Variants in IGF2BP2 observed in about 807,000 individuals in gnomAD.
IGF2BP2 encodes the protein insulin like growth factor 2 mRNA binding protein 2.
Under a neutral mutation model 75.8 loss-of-function variants are expected in IGF2BP2, and 17 were observed. The observed-to-expected ratio is 0.22, with a 90% CI of 0.15 to 0.34. The LOEUF (loss-of-function observed/expected upper bound fraction) is 0.34. Among genes scored for constraint, IGF2BP2 ranks in the 10% least tolerant of loss-of-function variants. IGF2BP2 has a pLI of 1.00. For synonymous variants in IGF2BP2, 288 were observed against 295.6 expected, an observed-to-expected ratio of 0.97 and a Z score of 0.26; for missense variants, 516 against 772.4, an observed-to-expected ratio of 0.67 and a Z score of 3.93.
chr3:185,659,562 G>T (rs937684255), intron 10 of IGF2BP2, among the ~76,000 whole-genome samples: 3 of 151,634 alleles, frequency 2.0e-5, no homozygotes, highest in Admixed American at 2.0e-4. Context: ...TTTTAGTAGA[G>T]ATGGGGTTTC....
chr3:185,820,913 A>C, intron 2 of IGF2BP2: 3 of 1,284,634 alleles, frequency 2.3e-6, no homozygotes, highest in Non-Finnish European at 3.2e-6. Flanking sequence ...ACACTGCCAA[A>C]TTTACTTCTA....
Position 185,730,996 on chromosome 3 carries a change from AAT to A in IGF2BP2, c.240-32651_240-32650del, listed in dbSNP as rs1206297757. ...GGTTAGTAATGTTTAGTATTCAGAA[AAT>A]ATAGTTATTTTAAATAAACTGATGT... On this transcript the variant is annotated intron_variant, in intron 2 of 15. Coordinates refer to ENST00000382199, the MANE Select transcript of IGF2BP2 (RefSeq NM_006548.6). Among the ~76,000 whole-genome samples the A allele has an allele frequency of 5.3e-5, 8 of 152,182 alleles. No individual in the cohort carries two copies. In the East Asian group the frequency reaches 5.8e-4, roughly 11 times the overall value.
intron 2 of IGF2BP2, among the ~76,000 whole-genome samples, chr3:185,700,382 G>A (rs988483834): frequency 4.6e-5 from 7 of 151,784 alleles, no homozygotes; most frequent in South Asian, 2.1e-4. Flanking sequence ...TAATGTATTC[G>A]TGCCTTACTA....
chr3:185,706,584 T>C (rs943373936), intron 2 of IGF2BP2, among the ~76,000 whole-genome samples: 1 of 152,348 alleles, frequency 6.6e-6, no homozygotes, highest in Middle Eastern at 3.4e-3. Context: ...TTATGTTTCA[T>C]TCCACCTTCA....
chr3:185,812,366 A>T (rs1740014639), intron 2 of IGF2BP2, among the ~76,000 whole-genome samples: 1 of 152,226 alleles, frequency 6.6e-6, no homozygotes, highest in African/African-American at 2.4e-5. Flanking sequence ...CTGGCCAAGG[A>T]GCTCCCTGGA....
rs184520382 is a variant in IGF2BP2 at position 185,672,560 on chromosome 3, G to A, written c.1181C>T (p.Ala394Val). The A allele has an allele frequency of 3.3e-5, 54 of 1,612,736 alleles. No individual in the cohort carries two copies. The highest frequency in any genetic ancestry group is 4.0e-5 in the African/African-American group (3 of 74,894). Reference protein sequence around the residue: ...PAGPRGAPPAAPYHPFTTHSG... With the variant: ...PAGPRGAPPAVPYHPFTTHSG... ...ACTTACAGTGAAGGGGTGGTAGGGG[G>A]CAGCGGGGGGAGCTCCGCGGGGCCC... Residue 394 changes from alanine (A) to valine (V), a missense_variant, in exon 10 of 16, where the codon GCC becomes GTC. Physicochemically the swap from Ala to Val is moderately conservative, Grantham distance 64 (BLOSUM62 0). Transcript: ENST00000382199.
Position 185,645,758 on chromosome 3 carries a change from C to A in IGF2BP2, c.1708-135G>T, listed in dbSNP as rs1713408646. The stretch of plus-strand genomic sequence containing the variant: ...TCAGACAAGCATCATCTACCCACCC[C>A]CGCACGTTACTCCAGGCCCTTTTCT... On this transcript the variant is annotated intron_variant, in intron 15 of 15. Transcript: ENST00000382199. The surrounding 1 kb of genome is among the most constrained non-coding windows in gnomAD (Gnocchi z 4.9). 3.1e-6 allele frequency: 2 copies of A among 654,228 alleles called. No homozygotes were observed. Among genetic ancestry groups the A allele is most frequent in the Non-Finnish European group, 5.6e-6 (2 of 359,964 alleles). The allele number at this position is 654,228 out of a possible 1,614,324, so 40.5% of individuals were successfully genotyped here. A position where few individuals can be genotyped will look rare whatever the true frequency, so the allele number is the denominator to read the frequency against.
chr3:185,695,253 C>CTAT (rs1422149456), intron 4 of IGF2BP2, among the ~76,000 whole-genome samples: 1 of 152,190 alleles, frequency 6.6e-6, no homozygotes, highest in East Asian at 1.9e-4. Context: ...TGCTTTAAAA[C>CTAT]TATTAATTAA....
chr3:185,660,181 T>C (rs1317091875), intron 10 of IGF2BP2, among the ~76,000 whole-genome samples: 3 of 152,192 alleles, frequency 2.0e-5, no homozygotes, highest in East Asian at 1.9e-4. Flanking sequence ...AACACTGACA[T>C]TGCTGTTCCA....
intron 2 of IGF2BP2, among the ~76,000 whole-genome samples, chr3:185,781,424 C>A (rs1301597143): frequency 1.3e-5 from 2 of 152,042 alleles, no homozygotes; most frequent in East Asian, 3.9e-4. Context: ...GTAAGTGACA[C>A]CTGGAAGCTT....
chr3:185,649,872 A>C (rs1044531068), intron 13 of IGF2BP2, among the ~76,000 whole-genome samples: 2 of 152,168 alleles, frequency 1.3e-5, no homozygotes, highest in Non-Finnish European at 2.9e-5. Flanking sequence ...TATCACCTAT[A>C]AAGATTTGCT....
intron 1 of IGF2BP2, among the ~76,000 whole-genome samples, chr3:185,824,048 G>A (rs1365829462): frequency 6.6e-6 from 1 of 152,004 alleles, no homozygotes. Flanking sequence ...CCCCAGCCCC[G>A]AGTTCTTCTC....
At chr3:185,649,990 G>C (rs1373246911) in intron 13 of IGF2BP2, among the ~76,000 whole-genome samples, 1 of 152,134 alleles carries the variant, frequency 6.6e-6, no homozygotes, top group Non-Finnish European at 1.5e-5. Context: ...TGAGGAGCCT[G>C]ATATTGTTTT....
chr3:185,747,811 ATATTT>A (rs1275268075), intron 2 of IGF2BP2, among the ~76,000 whole-genome samples: 1 of 113,756 alleles, frequency 8.8e-6, no homozygotes, highest in Non-Finnish European at 1.8e-5. Flanking sequence ...TCACGATTTT[ATATTT>A]TATTTTATTT....
chr3:185,757,328 A>C (rs1731745783), intron 2 of IGF2BP2, among the ~76,000 whole-genome samples: 1 of 152,200 alleles, frequency 6.6e-6, no homozygotes, highest in Non-Finnish European at 1.5e-5. Flanking sequence ...GCAAGGCACC[A>C]AGTTAGTTGC....
chr3:185,756,919 T>C lies in IGF2BP2; in HGVS notation c.240-58572A>G, dbSNP rs549615683. On this transcript the variant is annotated intron_variant, in intron 2 of 15. Transcript: ENST00000382199. ...CAGGAGTTTGAAGTTTACTAATCTA[T>C]GATCACACCACTGAACTCCAGTCTA... 4.6e-5 allele frequency among the ~76,000 whole-genome samples: 7 copies of C among 152,314 alleles called. No homozygotes were observed. The South Asian group carries it at 8.3e-4, about 18-fold the overall frequency.
intron 2 of IGF2BP2, among the ~76,000 whole-genome samples, chr3:185,727,720 A>G (rs1727556923): frequency 6.6e-6 from 1 of 152,212 alleles, no homozygotes; most frequent in South Asian, 2.1e-4. Flanking sequence ...AGTGGAGGAT[A>G]AACAAAGTTG....
chr3:185,783,112 A>G (rs1262589299), intron 2 of IGF2BP2, among the ~76,000 whole-genome samples: 5 of 152,226 alleles, frequency 3.3e-5, no homozygotes, highest in Admixed American at 1.3e-4. Flanking sequence ...AAGGATAGTG[A>G]TAAGATTAAA....
At chr3:185,780,742 G>A (rs1201196566) in intron 2 of IGF2BP2, among the ~76,000 whole-genome samples, 1 of 152,086 alleles carries the variant, frequency 6.6e-6, no homozygotes, top group Non-Finnish European at 1.5e-5. Context: ...TACTCACCAG[G>A]CTATGTATAA....
Sources: allele counts gnomAD v4.1 joint callset (sites outside exome capture counted in the v4.1 genomes callset), GRCh38; gene constraint gnomAD v4.1.1; non-coding constraint Gnocchi (gnomAD v3.1); transcripts MANE v1.5; gene names NCBI Gene and HGNC (gene_info 2026-07-23, HGNC 2026-07-21).